The following UGT2A1 variants were observed in gnomAD, a reference collection of about 807,000 sequenced individuals.
UGT2A1 encodes UDP-glucuronosyltransferase 2A1.
UGT2A1 carries 61 observed loss-of-function variants against 45.4 expected under a neutral mutation model. That is an observed-to-expected ratio of 1.34 (90% CI 1.09 to 1.66). The LOEUF is 1.66. Among genes scored for constraint, UGT2A1 ranks in the 40% most tolerant of loss-of-function variants. UGT2A1 has a pLI of 0.00. For synonymous variants in UGT2A1, 229 were observed against 196.2 expected (o/e 1.17, Z -1.40); for missense variants, 649 against 574.3 (o/e 1.13, Z -1.33).
chr4:69,589,892 A>C (rs137925293), intron 6 of UGT2A1, among the ~76,000 whole-genome samples: 3 of 152,336 alleles, frequency 2.0e-5, no homozygotes, highest in South Asian at 2.1e-4. Context: ...AGAGTAAGCC[A>C]GTTGTAAATA....
chr4:69,636,307 T>C (rs1721707640), intron 2 of UGT2A1, among the ~76,000 whole-genome samples: 1 of 152,194 alleles, frequency 6.6e-6, no homozygotes, highest in South Asian at 2.1e-4. Flanking sequence ...CCTCTTTCAA[T>C]ATCAGTTTAC....
chr4:69,633,865 T>C (rs1721521777), intron 3 of UGT2A1, among the ~76,000 whole-genome samples: 1 of 152,074 alleles, frequency 6.6e-6, no homozygotes, highest in Non-Finnish European at 1.5e-5. Flanking sequence ...TTAATTTGAG[T>C]GCTGGTTGCA....
chr4:69,635,113 TTAAAAA>T (rs1320490649), intron 3 of UGT2A1, among the ~76,000 whole-genome samples: 3 of 151,518 alleles, frequency 2.0e-5, no homozygotes, highest in Non-Finnish European at 4.4e-5. Flanking sequence ...ACAAGAAAGT[TTAAAAA>T]TAAAAATAAA....
At chr4:69,644,550 A>T (rs985955116) in intron 2 of UGT2A1, among the ~76,000 whole-genome samples, 2 of 151,408 alleles carry the variant, frequency 1.3e-5, no homozygotes, top group South Asian at 2.1e-4. Flanking sequence ...CAAAACTTCA[A>T]TTTTTTTTCT....
chr4:69,637,937 A>G (rs1407146786), intron 2 of UGT2A1, among the ~76,000 whole-genome samples: 2 of 151,364 alleles, frequency 1.3e-5, no homozygotes, highest in Non-Finnish European at 3.0e-5. Context: ...GCAGGAAGGA[A>G]GGAAGGAAAG....
At chr4:69,600,967 A>G (rs1339519384) in intron 3 of UGT2A1, among the ~76,000 whole-genome samples, 1 of 152,052 alleles carries the variant, frequency 6.6e-6, no homozygotes, top group African/African-American at 2.4e-5. Flanking sequence ...TTGACATAAG[A>G]CTTGGGCAGA....
chr4:69,638,824 G>A (rs1320613226), intron 2 of UGT2A1: 4 of 1,446,190 alleles, frequency 2.8e-6, no homozygotes, highest in Non-Finnish European at 3.7e-6. Flanking sequence ...CAGTGGAATG[G>A]AAATCGTTTG....
chr4:69,595,377 A>T, intron 4 of UGT2A1, 128 bp from the exon 5 acceptor site: 1 of 1,060,932 alleles, frequency 9.4e-7, no homozygotes, highest in Non-Finnish European at 1.4e-6. Flanking sequence ...GTAGTTTACA[A>T]ACGTTGAGAT....
intron 3 of UGT2A1, among the ~76,000 whole-genome samples, chr4:69,604,460 A>G (rs2109901010): frequency 7.3e-6 from 1 of 137,416 alleles, no homozygotes; most frequent in East Asian, 2.1e-4. Flanking sequence ...CAGCCACTGC[A>G]AAAACATGCC....
chr4:69,599,342 G>A lies in UGT2A1; in HGVS notation c.900C>T (p.Ile300=), dbSNP rs201473006. The change falls in exon 4 of 7, where the codon ATC becomes ATT. Residue 300 remains isoleucine (I), a synonymous_variant. Transcript: ENST00000286604. ...ETMGKAEIWL[I]RTYWDFEFPR... is the part of the protein sequence containing the mutation. ...GAAATTCAAAATCCCAATATGTTCG[G>A]ATTAACCAAATTTCAGCTTTCCCCA... 1.7e-4 allele frequency: 280 copies of A among 1,613,736 alleles called. No homozygotes were observed. The East Asian group carries it at 6.2e-3, about 36-fold the overall frequency.
chr4:69,640,487 A>G (rs1188955949), intron 2 of UGT2A1, among the ~76,000 whole-genome samples: 1 of 151,966 alleles, frequency 6.6e-6, no homozygotes, highest in Non-Finnish European at 1.5e-5. Context: ...TAGTGAGATC[A>G]GATATGGATA....
At chr4:69,642,761 G>A (rs980959705) in intron 2 of UGT2A1, among the ~76,000 whole-genome samples, 14 of 151,358 alleles carry the variant, frequency 9.2e-5, no homozygotes, top group African/African-American at 3.4e-4. Flanking sequence ...CATATATAAT[G>A]TTATGTATTT....
chr4:69,602,429 A>C (rs1414834960), intron 3 of UGT2A1, among the ~76,000 whole-genome samples: 1 of 129,660 alleles, frequency 7.7e-6, no homozygotes. Flanking sequence ...TTAAACAAGA[A>C]AAACAATTTT....
chr4:69,634,043 A>C lies in UGT2A1; in HGVS notation c.847+1648T>G, dbSNP rs534035179. ...GGCGGATCAGGAGCTCAGGAGATCG[A>C]GACCATCCTGGCTAACATGGTGAAA... On this transcript the variant is annotated intron_variant, in intron 3 of 6. Coordinates refer to ENST00000286604, the MANE Select transcript of UGT2A1 (RefSeq NM_001252275.3). 7.9e-5 allele frequency among the ~76,000 whole-genome samples: 12 copies of C among 152,192 alleles called. No individual in the cohort carries two copies. The South Asian group carries it at 2.3e-3, about 29-fold the overall frequency.
At chr4:69,619,502 G>A (rs1426453069) in intron 3 of UGT2A1, among the ~76,000 whole-genome samples, 1 of 151,682 alleles carries the variant, frequency 6.6e-6, no homozygotes, top group East Asian at 1.9e-4. Context: ...AAACAAAAGT[G>A]AAATTTTAAA....
chr4:69,623,309 CA>C (rs1720857736), intron 3 of UGT2A1, among the ~76,000 whole-genome samples: 1 of 151,718 alleles, frequency 6.6e-6, no homozygotes, highest in South Asian at 2.1e-4. Flanking sequence ...TACAATGTAA[CA>C]CTCTGTTTTG....
At chr4:69,600,994 A>G (rs950259860) in intron 3 of UGT2A1, among the ~76,000 whole-genome samples, 1 of 152,062 alleles carries the variant, frequency 6.6e-6, no homozygotes, top group Non-Finnish European at 1.5e-5. Flanking sequence ...GATCTAAACC[A>G]TCTCAGTGGG....
At position 69,589,602 on chromosome 4, in the gene UGT2A1, C is replaced by T; in HGVS notation, c.1354G>A (p.Val452Ile). Residue 452 changes from valine to isoleucine, a missense_variant, in exon 7 of 7, where the codon GTA (valine) becomes ATA (isoleucine). Physicochemically the swap from Val to Ile is conservative, Grantham distance 29 (BLOSUM62 3). Coordinates refer to ENST00000286604, the MANE Select transcript of UGT2A1 (RefSeq NM_001252275.3). ...AAGACTGCTCGATCCAGGGGCTTTA[C>T]AGGTTGATCATGGTGAATTCTTGAT... is the stretch of plus-strand genomic sequence containing the variant. ...RLSRIHHDQP[V>I]KPLDRAVFWI... The T allele has an allele frequency of 1.2e-6, 2 of 1,613,970 alleles. No homozygotes were observed. The highest frequency in any genetic ancestry group is 1.7e-6 in the Non-Finnish European group (2 of 1,179,870).
chr4:69,641,702 C>T (rs146049454), intron 2 of UGT2A1, among the ~76,000 whole-genome samples: 1,757 of 151,878 alleles, frequency 0.012, 29 homozygotes, highest in South Asian at 0.066. Context: ...AGAGTGGAGT[C>T]TGATATTAAA....
Sources: allele counts gnomAD v4.1 joint callset (sites outside exome capture counted in the v4.1 genomes callset), GRCh38; gene constraint gnomAD v4.1.1; transcripts MANE v1.5; gene names NCBI Gene and HGNC (gene_info 2026-07-23, HGNC 2026-07-21).